PXDN: variants seen among roughly 807,000 people sequenced by gnomAD.
The protein encoded by PXDN is peroxidasin homolog.
In PXDN, 77 loss-of-function variants were observed where a neutral mutation model predicts 140.3. The ratio of observed to expected loss-of-function variants is 0.55; its 90% CI spans 0.46 to 0.66. PXDN has a LOEUF of 0.66. Among genes scored for constraint, PXDN ranks in the 30% least tolerant of loss-of-function variants. PXDN has a pLI of 0.00. For missense variants in PXDN, 1,838 were observed against 2,039.5 expected (o/e 0.90, Z 1.90); for synonymous variants, 911 against 857.4 (o/e 1.06, Z -1.09).
At position 1,687,433 on chromosome 2, in the gene PXDN, G is replaced by A. The variant is rs994386118; in HGVS notation, c.416+199C>T. On this transcript the variant is annotated intron_variant, in intron 4 of 22. Coordinates refer to ENST00000252804, the MANE Select transcript of PXDN (RefSeq NM_012293.3). The surrounding 1 kb of genome is among the most constrained non-coding windows in gnomAD (Gnocchi z 4.0). ...GATACGTCCTGAGGGGTGGGTGGAG[G>A]GCTGGCTGGGTGGAAGGCGGGGCGG... 5.9e-5 allele frequency among the ~76,000 whole-genome samples: 9 copies of A among 152,212 alleles called. No homozygotes were observed. The highest frequency in any genetic ancestry group is 2.2e-4 in the African/African-American group (9 of 41,450).
rs1408977298 is a variant in PXDN, at chr2:1,744,347, G to A, written c.109C>T (p.Pro37Ser). Residue 37 changes from proline to serine, a missense_variant, in exon 1 of 23, where the codon CCG (proline) becomes TCG (serine). Physicochemically the swap from Pro to Ser is moderately conservative, Grantham distance 74. This residue lies in a region of PXDN where 231 missense variants were observed against 201.5 expected (regional missense o/e 1.15). Coordinates refer to ENST00000252804, the MANE Select transcript of PXDN (RefSeq NM_012293.3). ...GTGCGGAAGCACAGGCAGCGGCTCG[G>A]ACACCCTGCGCCCGGCTTCTGGGCC... The part of the protein sequence containing the change: ...VVAQKPGAGC[P>S]SRCLCFRTTV... The A allele has an allele frequency of 2.0e-6, 3 of 1,527,578 alleles. No individual in the cohort carries two copies. Among genetic ancestry groups the A allele is most frequent in the Non-Finnish European group, 2.6e-6 (3 of 1,143,740 alleles). 94.6% of individuals were successfully genotyped at this position (1,527,578 alleles called of 1,614,324 possible). A position where few individuals can be genotyped will look rare whatever the true frequency, so the allele number is the denominator to read the frequency against.
At position 1,713,381 on chromosome 2, in the gene PXDN, G is replaced by A. The variant is rs115713013; in HGVS notation, c.201-20247C>T. On this transcript the variant is annotated intron_variant, in intron 1 of 22. Coordinates refer to ENST00000252804, the MANE Select transcript of PXDN (RefSeq NM_012293.3). ...GCTTCCATCCCTGCGAAAAGAAGCA[G>A]GTGGATCTGACAGGAGGCACCCAGG... 9.4e-4 allele frequency among the ~76,000 whole-genome samples: 143 copies of A among 152,348 alleles called. 1 individual carries two copies. The highest frequency in any genetic ancestry group is 3.4e-3 in the Middle Eastern group (1 of 294).
intron 1 of PXDN, among the ~76,000 whole-genome samples, chr2:1,728,178 T>C (rs765617576): frequency 2.4e-4 from 37 of 152,154 alleles, no homozygotes; most frequent in Admixed American, 1.9e-3. Context: ...GCTCAAGAGA[T>C]CCATCCGCCT....
chr2:1,702,568 G>A (rs895346126), intron 1 of PXDN, among the ~76,000 whole-genome samples: 1 of 152,228 alleles, frequency 6.6e-6, no homozygotes, highest in Non-Finnish European at 1.5e-5. Context: ...CACAGCCTCA[G>A]GAGGTCCCGA....
chr2:1,740,844 T>C (rs546158021), intron 1 of PXDN, among the ~76,000 whole-genome samples: 1 of 152,282 alleles, frequency 6.6e-6, no homozygotes, highest in South Asian at 2.1e-4. Flanking sequence ...AGCAGCTGTC[T>C]GGAGATTCTG....
At chr2:1,730,707 C>G (rs1165502487) in intron 1 of PXDN, among the ~76,000 whole-genome samples, 1 of 152,130 alleles carries the variant, frequency 6.6e-6, no homozygotes, top group African/African-American at 2.4e-5. Context: ...TCTAAGCCTC[C>G]ACTGGTGACC....
Position 1,662,177 on chromosome 2 carries a change from T to C in PXDN, c.1575A>G (p.Pro525=). 6.3e-7 allele frequency: 1 copy of C among 1,584,014 alleles called. No individual in the cohort carries two copies. Among genetic ancestry groups the C allele is most frequent in the Non-Finnish European group, 8.6e-7 (1 of 1,164,526 alleles). Residue 525 remains proline (P), a synonymous_variant, in exon 13 of 23, where the codon CCA becomes CCG. Coordinates refer to ENST00000252804, the MANE Select transcript of PXDN (RefSeq NM_012293.3). The stretch of plus-strand genomic sequence containing the variant: ...TGTCGCTGGGAATGCTGGCAAACAC[T>C]GGGGTGACTGGAAGGCAGATGTAGA... ...AHLTVQPRVT[P]VFASIPSDTT... is the part of the protein sequence containing the mutation.
intron 4 of PXDN, among the ~76,000 whole-genome samples, chr2:1,684,372 G>A (rs1683997575): frequency 1.3e-5 from 2 of 152,178 alleles, no homozygotes; most frequent in African/African-American, 4.8e-5. Context: ...ACTGGATAAG[G>A]GCGAGGGAGG....
intron 1 of PXDN, among the ~76,000 whole-genome samples, chr2:1,706,149 C>T (rs935044388): frequency 6.6e-6 from 1 of 152,154 alleles, no homozygotes; most frequent in East Asian, 1.9e-4. Context: ...ACCGTCCCAG[C>T]GTCTCTGACC....
chr2:1,711,314 G>A (rs111161806), intron 1 of PXDN, among the ~76,000 whole-genome samples: 63 of 15,686 alleles, frequency 4.0e-3, no homozygotes, highest in African/African-American at 5.5e-3. Flanking sequence ...ACCAGCACCC[G>A]CTCCACCAGC....
At chr2:1,675,560 G>C (rs777654189) in intron 8 of PXDN, among the ~76,000 whole-genome samples, 3 of 152,172 alleles carry the variant, frequency 2.0e-5, no homozygotes, top group Non-Finnish European at 2.9e-5. Flanking sequence ...CTGCAGCCAA[G>C]GTCAATATGA....
At chr2:1,646,823 C>T (rs1309937566) in intron 17 of PXDN, among the ~76,000 whole-genome samples, 4 of 152,182 alleles carry the variant, frequency 2.6e-5, no homozygotes, top group African/African-American at 9.7e-5. Flanking sequence ...ACACAGTGAC[C>T]TGTGAATCTG....
intron 1 of PXDN, among the ~76,000 whole-genome samples, chr2:1,711,615 ACTCTCCACCAGCACCCG>A (rs1684786903): frequency 7.1e-5 from 2 of 28,274 alleles, no homozygotes; most frequent in Non-Finnish European, 1.4e-4. Flanking sequence ...ACCAGCACCC[ACTCTCCACCAGCACCCG>A]CTCCACCAGC....
At chr2:1,732,070 C>A (rs750598389) in intron 1 of PXDN, among the ~76,000 whole-genome samples, 7 of 152,110 alleles carry the variant, frequency 4.6e-5, no homozygotes, top group Non-Finnish European at 7.3e-5. Context: ...TCTCTTCTGT[C>A]TGAAACAACC....
intron 9 of PXDN, among the ~76,000 whole-genome samples, chr2:1,669,366 T>C (rs1683523103): frequency 1.3e-5 from 2 of 152,172 alleles, no homozygotes; most frequent in South Asian, 4.1e-4. Context: ...GCTTAAAACC[T>C]AGATGACAGG....
rs1683020392 is a variant in PXDN at position 1,651,787 on chromosome 2, C to T, written c.2104+1841G>A. Among the ~76,000 whole-genome samples, 3 of 152,250 alleles carry T rather than the reference C, an allele frequency of 2.0e-5. No individual in the cohort carries two copies. The highest frequency in any genetic ancestry group is 2.0e-4 in the Admixed American group (3 of 15,288). On this transcript the variant is annotated intron_variant, in intron 16 of 22. Coordinates refer to ENST00000252804, the MANE Select transcript of PXDN (RefSeq NM_012293.3). The surrounding 1 kb of genome is among the most constrained non-coding windows in gnomAD (Gnocchi z 4.4). ...CACCCACCTCCCGCCTGCTGTTTCT[C>T]TCTGGGTCACTCGCTGGGGCTTCTT...
intron 1 of PXDN, among the ~76,000 whole-genome samples, chr2:1,699,707 T>C (rs1335568137): frequency 6.6e-6 from 1 of 152,128 alleles, no homozygotes; most frequent in Admixed American, 6.5e-5. Flanking sequence ...CGAAACTCTG[T>C]CTCACCAAAA....
chr2:1,672,064 G>A (rs1049084230), intron 9 of PXDN: 1 of 151,936 alleles, frequency 6.6e-6, no homozygotes, highest in Non-Finnish European at 1.5e-5. Context: ...CAGTAGGCAG[G>A]TGTGGACTGC....
rs903650900 is a variant in PXDN at position 1,687,156 on chromosome 2, C to T, written c.416+476G>A. 6.6e-6 allele frequency among the ~76,000 whole-genome samples: 1 copy of T among 152,224 alleles called. No individual in the cohort carries two copies. The highest frequency in any genetic ancestry group is 1.5e-5 in the Non-Finnish European group (1 of 68,038). On this transcript the variant is annotated intron_variant, in intron 4 of 22. Transcript: ENST00000252804. The surrounding 1 kb of genome is among the most constrained non-coding windows in gnomAD (Gnocchi z 4.0). The stretch of plus-strand genomic sequence containing the variant: ...ACTACAAGGGAAAGAAAGGTTTTCT[C>T]CAAAATAATGTCACCACAATTGAAG...
Sources: gnomAD v4.1 joint callset for allele counts (sites outside exome capture counted in the v4.1 genomes callset) on GRCh38, gnomAD v4.1.1 for gene constraint, gnomAD v4.1.1 regional missense constraint, Gnocchi (gnomAD v3.1) non-coding constraint, MANE v1.5 for transcripts, NCBI Gene and HGNC (gene_info 2026-07-23, HGNC 2026-07-21) for gene names.